CD1B: variants seen among roughly 807,000 people sequenced by gnomAD.
CD1B encodes CD1b molecule, also known as T-cell surface glycoprotein CD1b.
A neutral mutation model predicts 39.8 loss-of-function variants in CD1B; 43 were observed. The ratio of observed to expected loss-of-function variants is 1.08; its 90% CI spans 0.85 to 1.39. The LOEUF is 1.39. Among genes scored for constraint, CD1B ranks in the 40% most tolerant of loss-of-function variants. The pLI is 0.00. For synonymous variants in CD1B, 192 were observed against 152.5 expected (o/e 1.26, Z -1.91); for missense variants, 495 against 403.8 (o/e 1.23, Z -1.94).
At chr1:158,296,273 C>T in the CD1B span, among the ~76,000 whole-genome samples, 1 of 151,084 alleles carries the variant, frequency 6.6e-6, no homozygotes, top group Non-Finnish European at 1.5e-5. Context: ...GGCCAAAGAA[C>T]AAGGTTCTGG....
the CD1B span, among the ~76,000 whole-genome samples, chr1:158,298,913 G>A: frequency 6.6e-6 from 1 of 152,174 alleles, no homozygotes; most frequent in African/African-American, 2.4e-5. Context: ...AAGAGATTTT[G>A]GGCTGAGGTG....
the CD1B span, among the ~76,000 whole-genome samples, chr1:158,307,409 C>T: frequency 6.6e-6 from 1 of 152,022 alleles, no homozygotes; most frequent in Non-Finnish European, 1.5e-5. Flanking sequence ...CTGAATAGAC[C>T]AATAACAGGC....
the CD1B span, among the ~76,000 whole-genome samples, chr1:158,302,999 AT>A: frequency 6.6e-6 from 1 of 152,132 alleles, no homozygotes; most frequent in African/African-American, 2.4e-5. Flanking sequence ...ACATTAGCTA[AT>A]TTTCCTGAAG....
the CD1B span, among the ~76,000 whole-genome samples, chr1:158,317,212 G>A: frequency 1.3e-5 from 2 of 151,514 alleles, no homozygotes; most frequent in African/African-American, 2.4e-5. Context: ...TTTTTCTATT[G>A]ATTGGAATAG....
chr1:158,328,871 TG>T, intron 5 of CD1B, 49 bp downstream of exon 5: 1 of 1,258,184 alleles, frequency 7.9e-7, no homozygotes, highest in Non-Finnish European at 1.1e-6. Context: ...AGTGGAAGGG[TG>T]AACAGAAAAG....
the CD1B span, among the ~76,000 whole-genome samples, chr1:158,305,307 G>C: frequency 3.5e-3 from 533 of 152,266 alleles, 3 homozygotes; most frequent in African/African-American, 0.012. Context: ...CTCAGTAGCC[G>C]ATGGGATCAA....
Position 158,329,368 on chromosome 1 carries a change from A to G in CD1B, c.886+2T>C. The G allele has an allele frequency of 6.2e-7, 1 of 1,608,106 alleles. No individual in the cohort carries two copies. Among genetic ancestry groups the G allele is most frequent in the Non-Finnish European group, 8.5e-7 (1 of 1,175,782 alleles). ...CCAGCCTGGGTCCCTGCTATTTCTT[A>G]CTCCAGTAGAGGATGATGTCCTGGC... On this transcript the variant is annotated splice_donor_variant, in intron 4 of 5. Coordinates refer to ENST00000368168, the MANE Select transcript of CD1B (RefSeq NM_001764.3). LOFTEE classifies it high-confidence loss of function.
At chr1:158,320,360 G>T in the CD1B span, among the ~76,000 whole-genome samples, 1 of 152,192 alleles carries the variant, frequency 6.6e-6, no homozygotes, top group Non-Finnish European at 1.5e-5. Context: ...TAATCTCATG[G>T]TGTGCCGTTT....
In CD1B at chr1:158,330,826, G is replaced by T. The variant is rs887850887; in HGVS notation, c.298C>A (p.Gln100Lys). Residue 100 changes from glutamine to lysine, a missense_variant, in exon 2 of 6, where the codon CAA becomes AAA. Coordinates refer to ENST00000368168, the MANE Select transcript of CD1B (RefSeq NM_001764.3). ...ATCTGGAAATCACCGGCAAAGTCTT[G>T]TACTTCTCGAGCGAATCCAAAGATG... ...VYIFGFAREVQDFAGDFQMKY... is the reference protein window; with the variant it reads ...VYIFGFAREVKDFAGDFQMKY... 1.9e-6 allele frequency: 3 copies of T among 1,614,052 alleles called. No individual in the cohort carries two copies. Among genetic ancestry groups the T allele is most frequent in the Non-Finnish European group, 2.5e-6 (3 of 1,180,022 alleles).
intron 2 of CD1B, chr1:158,330,487 T>C: frequency 3.5e-6 from 2 of 571,620 alleles, no homozygotes; most frequent in South Asian, 3.8e-5. Context: ...AAGCCACACG[T>C]TAGATCACTC....
chr1:158,293,205 T>C, the CD1B span: 66 of 1,603,196 alleles, frequency 4.1e-5, 1 homozygote, highest in East Asian at 8.5e-4. Context: ...CTTTCCAATA[T>C]GTGCAGGACA....
chr1:158,307,230 A>G, the CD1B span, among the ~76,000 whole-genome samples: 10 of 152,212 alleles, frequency 6.6e-5, no homozygotes, highest in African/African-American at 2.4e-4. Flanking sequence ...TAGACGCAAT[A>G]AAAGATGATA....
At chr1:158,330,169 A>C in intron 2 of CD1B, 39 bp from the exon 3 acceptor site, 1 of 1,541,718 alleles carries the variant, frequency 6.5e-7, no homozygotes, top group Non-Finnish European at 8.7e-7. Flanking sequence ...TTAAACACAA[A>C]TAAGAAAAAA....
At chr1:158,331,172 A>G (rs1652587996) in intron 1 of CD1B, 110 bp from the exon 2 acceptor site, 7 of 1,245,896 alleles carry the variant, frequency 5.6e-6, no homozygotes, top group Admixed American at 4.5e-5. Flanking sequence ...AGTCTAAAGA[A>G]CACAGGAAGT....
At chr1:158,329,162 C>A in intron 4 of CD1B, 148 bp from the exon 5 acceptor site, 2 of 909,418 alleles carry the variant, frequency 2.2e-6, no homozygotes, top group Non-Finnish European at 3.3e-6. Context: ...TCCTTTGATC[C>A]CCTCTACCCA....
the CD1B span, among the ~76,000 whole-genome samples, chr1:158,308,590 G>C: frequency 6.6e-6 from 1 of 152,134 alleles, no homozygotes; most frequent in African/African-American, 2.4e-5. Flanking sequence ...ATACTACAAG[G>C]CTACAGTAAC....
At chr1:158,291,194 G>A in the CD1B span, 49 of 1,613,536 alleles carry the variant, frequency 3.0e-5, no homozygotes, top group Non-Finnish European at 4.1e-5. Flanking sequence ...AACCAATCCT[G>A]GGCACGAGGT....
the CD1B span, among the ~76,000 whole-genome samples, chr1:158,299,284 T>C: frequency 6.6e-6 from 1 of 152,238 alleles, no homozygotes; most frequent in Admixed American, 6.5e-5. Flanking sequence ...ATGTGGTTTT[T>C]TTCTTTAGTT....
the CD1B span, among the ~76,000 whole-genome samples, chr1:158,305,208 C>T: frequency 1.3e-5 from 2 of 151,874 alleles, no homozygotes; most frequent in African/African-American, 2.4e-5. Context: ...AGATGAATGG[C>T]TAACTAGAAT....
Sources: gnomAD v4.1 joint callset for allele counts (sites outside exome capture counted in the v4.1 genomes callset) on GRCh38, gnomAD v4.1.1 for gene constraint, MANE v1.5 for transcripts, NCBI Gene and HGNC (gene_info 2026-07-23, HGNC 2026-07-21) for gene names.